ADAMTSL1: variants seen among roughly 807,000 people sequenced by gnomAD.
The protein encoded by ADAMTSL1 is ADAMTS like 1.
In ADAMTSL1, 126 loss-of-function variants were observed where a neutral mutation model predicts 201.8. The ratio of observed to expected loss-of-function variants is 0.62; its 90% CI spans 0.54 to 0.72. The LOEUF is 0.72. ADAMTSL1 is among the 30% of genes least tolerant of loss of function. The pLI is 0.00. For synonymous variants in ADAMTSL1, 1,121 were observed against 903.4 expected (o/e 1.24, Z -4.32); for missense variants, 2,679 against 2,277.8 (o/e 1.18, Z -3.59).
chr9:18,657,816 G>C (rs1828797965), intron 8 of ADAMTSL1, 66 bp downstream of exon 8: 1 of 1,327,074 alleles, frequency 7.5e-7, no homozygotes, highest in East Asian at 2.3e-5. Flanking sequence ...TATTATAAGA[G>C]TAGAGTTACT....
At chr9:18,868,915 G>A (rs1056331101) in intron 23 of ADAMTSL1, among the ~76,000 whole-genome samples, 1 of 152,172 alleles carries the variant, frequency 6.6e-6, no homozygotes, top group Non-Finnish European at 1.5e-5. Context: ...AAAAGATGTT[G>A]AAATCCTAAT....
Position 18,706,736 on chromosome 9 carries a change from G to A in ADAMTSL1, c.1575-11G>A. On this transcript the variant is annotated splice_polypyrimidine_tract_variant and intron_variant, in intron 13 of 28. Coordinates refer to ENST00000380548, the MANE Select transcript of ADAMTSL1 (RefSeq NM_001040272.6). ...TCTCATCCTGTCCTCTTGTTTGCTT[G>A]CCGACTGCAGGTTCATCCCAGAGGC... 1 of 1,584,542 alleles carries A rather than the reference G, an allele frequency of 6.3e-7. No homozygotes were observed. Among genetic ancestry groups the A allele is most frequent in the Non-Finnish European group, 8.6e-7 (1 of 1,164,742 alleles).
At chr9:18,519,074 A>C (rs1193781644) in intron 2 of ADAMTSL1, among the ~76,000 whole-genome samples, 3 of 152,122 alleles carry the variant, frequency 2.0e-5, no homozygotes, top group African/African-American at 7.2e-5. Flanking sequence ...AAAATCCTAA[A>C]TGTTATTTAA....
rs182339302 is a variant in ADAMTSL1, at chr9:18,238,547, G to A, written c.207+74566G>A. Among the ~76,000 whole-genome samples the A allele has an allele frequency of 5.3e-3, 812 of 152,158 alleles. 7 individuals are homozygous for A. Among genetic ancestry groups the A allele is most frequent in the African/African-American group, 0.018 (742 of 41,522 alleles). ...TTCATTTGTAAAATGAAGCTAGAATGGCGTCATTAGGAATGTTAGGTGAGA... is the reference window on the plus strand; with the variant it reads ...TTCATTTGTAAAATGAAGCTAGAATAGCGTCATTAGGAATGTTAGGTGAGA... On this transcript the variant is annotated intron_variant, in intron 2 of 29. Transcript: ENST00000680146.
At chr9:18,028,496 A>G (rs1413532011) in intron 1 of ADAMTSL1, among the ~76,000 whole-genome samples, 1 of 152,040 alleles carries the variant, frequency 6.6e-6, no homozygotes, top group Non-Finnish European at 1.5e-5. Flanking sequence ...CTGATAGCCT[A>G]ATGGGGTTCT....
chr9:17,987,766 C>G (rs150431452), intron 1 of ADAMTSL1, among the ~76,000 whole-genome samples: 15 of 152,066 alleles, frequency 9.9e-5, no homozygotes, highest in African/African-American at 3.4e-4. Context: ...TTCCTTCAAA[C>G]CTTGGAAGAC....
At chr9:18,831,747 T>C (rs572475867) in intron 23 of ADAMTSL1, among the ~76,000 whole-genome samples, 1 of 152,288 alleles carries the variant, frequency 6.6e-6, no homozygotes, top group South Asian at 2.1e-4. Context: ...ATAAAGTCCC[T>C]GAATGTAACT....
chr9:18,406,550 CA>C (rs1255005897), intron 2 of ADAMTSL1, among the ~76,000 whole-genome samples: 1 of 151,990 alleles, frequency 6.6e-6, no homozygotes, highest in African/African-American at 2.4e-5. Flanking sequence ...AGGGTGGGTT[CA>C]AACTCCTGAC....
chr9:18,319,921 A>G (rs1168050122), intron 2 of ADAMTSL1, among the ~76,000 whole-genome samples: 1 of 152,138 alleles, frequency 6.6e-6, no homozygotes, highest in African/African-American at 2.4e-5. Flanking sequence ...GGAGTCAGAG[A>G]AACATATGAG....
At chr9:18,222,454 G>T (rs148963458) in intron 2 of ADAMTSL1, among the ~76,000 whole-genome samples, 1 of 151,688 alleles carries the variant, frequency 6.6e-6, no homozygotes, top group East Asian at 1.9e-4. Flanking sequence ...ATCATCTAAG[G>T]TTAATAAATA....
intron 2 of ADAMTSL1, among the ~76,000 whole-genome samples, chr9:18,241,930 A>G (rs1831081113): frequency 6.6e-6 from 1 of 152,074 alleles, no homozygotes; most frequent in Non-Finnish European, 1.5e-5. Flanking sequence ...AATTTTACCA[A>G]ATATTCTAAG....
intron 3 of ADAMTSL1, among the ~76,000 whole-genome samples, chr9:18,545,754 T>C (rs1290748622): frequency 6.6e-6 from 1 of 152,178 alleles, no homozygotes; most frequent in African/African-American, 2.4e-5. Flanking sequence ...AGATAGAAGC[T>C]TGAAGCAGGG....
chr9:18,742,749 A>G (rs1022375854), intron 15 of ADAMTSL1, among the ~76,000 whole-genome samples: 1 of 152,210 alleles, frequency 6.6e-6, no homozygotes, highest in Non-Finnish European at 1.5e-5. Context: ...AGGTAATTCT[A>G]GAAAAGAAAA....
At chr9:18,324,942 C>G (rs1047839328) in intron 2 of ADAMTSL1, among the ~76,000 whole-genome samples, 7 of 152,174 alleles carry the variant, frequency 4.6e-5, no homozygotes, top group East Asian at 1.9e-4. Flanking sequence ...GACAAAAAAA[C>G]TTAAACACTT....
chr9:18,434,796 T>C (rs764051516), intron 2 of ADAMTSL1, among the ~76,000 whole-genome samples: 10 of 152,214 alleles, frequency 6.6e-5, no homozygotes, highest in Middle Eastern at 3.2e-3. Context: ...CCATCTCATT[T>C]AGTACCCTTC....
intron 4 of ADAMTSL1, among the ~76,000 whole-genome samples, chr9:18,614,436 C>G (rs1825577452): frequency 6.6e-6 from 1 of 152,126 alleles, no homozygotes; most frequent in Non-Finnish European, 1.5e-5. Flanking sequence ...TGTTATCTTT[C>G]TGTTTCAGGT....
At chr9:17,986,191 A>G (rs931773136) in intron 1 of ADAMTSL1, among the ~76,000 whole-genome samples, 4 of 152,090 alleles carry the variant, frequency 2.6e-5, no homozygotes, top group Admixed American at 2.6e-4. Flanking sequence ...GCTTTAAGGA[A>G]TATTAGAATG....
intron 2 of ADAMTSL1, among the ~76,000 whole-genome samples, chr9:18,303,092 G>A (rs961587836): frequency 3.9e-5 from 6 of 152,154 alleles, no homozygotes; most frequent in Non-Finnish European, 7.3e-5. Context: ...AGTATGGAAA[G>A]TGTCTAGCAT....
chr9:18,803,561 G>A (rs1288873094), intron 20 of ADAMTSL1, among the ~76,000 whole-genome samples: 1 of 152,174 alleles, frequency 6.6e-6, no homozygotes, highest in African/African-American at 2.4e-5. Flanking sequence ...CCGCCCACCT[G>A]TCTGAAGGGC....
Sources: gnomAD v4.1 joint callset for allele counts (sites outside exome capture counted in the v4.1 genomes callset) on GRCh38, gnomAD v4.1.1 for gene constraint, MANE v1.5 for transcripts, NCBI Gene and HGNC (gene_info 2026-07-23, HGNC 2026-07-21) for gene names.